The following NCOA3 variants were observed in gnomAD, a reference collection of about 807,000 sequenced individuals.
NCOA3 encodes the protein nuclear receptor coactivator 3, also known as CBP-interacting protein.
NCOA3 carries 51 observed loss-of-function variants against 158.8 expected under a neutral mutation model. The ratio of observed to expected loss-of-function variants is 0.32; its 90% CI spans 0.26 to 0.41. NCOA3 has a LOEUF of 0.41. Among genes scored for constraint, NCOA3 ranks in the 10% least tolerant of loss-of-function variants. NCOA3 has a pLI of 1.00. For synonymous variants in NCOA3, 537 were observed against 592.4 expected, an observed-to-expected ratio of 0.91 and a Z score of 1.36; for missense variants, 1,510 against 1,746.6, an observed-to-expected ratio of 0.86 and a Z score of 2.41.
chr20:47,548,409 T>G (rs1056327364), intron 1 of NCOA3, among the ~76,000 whole-genome samples: 5 of 151,878 alleles, frequency 3.3e-5, no homozygotes, highest in Non-Finnish European at 5.9e-5. Context: ...CTGGGCATGG[T>G]GGCAGGCGCC....
chr20:47,650,510 C>T (rs2086765401), intron 19 of NCOA3, among the ~76,000 whole-genome samples: 1 of 151,902 alleles, frequency 6.6e-6, no homozygotes, highest in African/African-American at 2.4e-5. Context: ...CTTGGCCTCC[C>T]AAAGTGCTGG....
chr20:47,549,405 AAATTTAT>A (rs2084893545), intron 1 of NCOA3, among the ~76,000 whole-genome samples: 1 of 151,670 alleles, frequency 6.6e-6, no homozygotes, highest in East Asian at 1.9e-4. Context: ...GGTTAAAAAA[AAATTTAT>A]CTGGGCACAG....
rs547642942 is a variant in NCOA3 at position 47,520,605 on chromosome 20, C to A, written c.-99+18586C>A. ...TCCTGGAAGACTCAACCTCTCAAAC[C>A]AGGGATGTCTTGCCTTGCCTGCCCT... On this transcript the variant is annotated intron_variant, in intron 1 of 22. Coordinates refer to ENST00000371998, the MANE Select transcript of NCOA3 (RefSeq NM_181659.3). Among the ~76,000 whole-genome samples the A allele has an allele frequency of 7.4e-3, 1,121 of 152,276 alleles. 13 individuals are homozygous for A. Among genetic ancestry groups the A allele is most frequent in the African/African-American group, 0.025 (1,058 of 41,536 alleles).
At chr20:47,581,621 C>T (rs763676551) in intron 1 of NCOA3, among the ~76,000 whole-genome samples, 5 of 152,092 alleles carry the variant, frequency 3.3e-5, no homozygotes, top group Admixed American at 2.0e-4. Flanking sequence ...AACTTTAGGG[C>T]GTAATTATGG....
At chr20:47,561,359 G>A (rs1429047082) in intron 1 of NCOA3, among the ~76,000 whole-genome samples, 1 of 148,822 alleles carries the variant, frequency 6.7e-6, no homozygotes, top group Non-Finnish European at 1.5e-5. Flanking sequence ...GCAGTGCAGT[G>A]GCATGTTCAT....
At chr20:47,585,984 G>A (rs2098418514) in intron 2 of NCOA3, among the ~76,000 whole-genome samples, 1 of 149,410 alleles carries the variant, frequency 6.7e-6, no homozygotes, top group South Asian at 2.1e-4. Context: ...GCAATGGCGC[G>A]ATCTTGTTTC....
intron 1 of NCOA3, among the ~76,000 whole-genome samples, chr20:47,580,322 T>C (rs2085431366): frequency 6.6e-6 from 1 of 151,922 alleles, no homozygotes; most frequent in African/African-American, 2.4e-5. Context: ...CCCAGCACTT[T>C]GGGAGGCCGA....
intron 18 of NCOA3, among the ~76,000 whole-genome samples, chr20:47,648,714 C>T (rs1006733653): frequency 2.0e-5 from 3 of 152,136 alleles, no homozygotes; most frequent in Non-Finnish European, 4.4e-5. Context: ...ATCTGCCCAC[C>T]TCAGCCTCTC....
intron 2 of NCOA3, among the ~76,000 whole-genome samples, chr20:47,605,330 C>T (rs1408704426): frequency 1.3e-5 from 2 of 152,058 alleles, no homozygotes; most frequent in African/African-American, 4.8e-5. Flanking sequence ...TGCTTTCAGT[C>T]TAGATCTAGG....
intron 1 of NCOA3, among the ~76,000 whole-genome samples, chr20:47,537,434 C>A (rs1451120787): frequency 1.7e-4 from 2 of 11,480 alleles, no homozygotes; most frequent in African/African-American, 3.8e-4. Flanking sequence ...TGATAATCGG[C>A]GGGGGTGGGG....
chr20:47,582,850 A>G (rs1339346924), intron 1 of NCOA3, among the ~76,000 whole-genome samples: 1 of 152,208 alleles, frequency 6.6e-6, no homozygotes, highest in Non-Finnish European at 1.5e-5. Context: ...GCTGGAGTGC[A>G]GTGGCATAGT....
In NCOA3 at chr20:47,505,189, G is replaced by A. The variant is rs539556274; in HGVS notation, c.-99+3170G>A. Among the ~76,000 whole-genome samples the A allele has an allele frequency of 4.0e-3, 600 of 149,888 alleles. 2 individuals are homozygous for A. The highest frequency in any genetic ancestry group is 6.8e-3 in the Admixed American group (102 of 14,898). ...CAATTCTCCTGTGTCAGCCTCCCAA[G>A]TAGCTGGGATTACAGGTGCGCACCA... On this transcript the variant is annotated intron_variant, in intron 1 of 22. Coordinates refer to ENST00000371998, the MANE Select transcript of NCOA3 (RefSeq NM_181659.3).
chr20:47,503,344 T>A (rs1328807073), intron 1 of NCOA3, among the ~76,000 whole-genome samples: 1 of 152,220 alleles, frequency 6.6e-6, no homozygotes, highest in Non-Finnish European at 1.5e-5. Context: ...AATTGTTTGT[T>A]CTTGAAAATA....
chr20:47,510,618 G>A (rs2084105140), intron 1 of NCOA3, among the ~76,000 whole-genome samples: 1 of 151,820 alleles, frequency 6.6e-6, no homozygotes, highest in South Asian at 2.1e-4. Context: ...TTTTTGGAGA[G>A]GGTCTTGCTC....
In NCOA3 at chr20:47,644,170, C is replaced by T. The variant is rs1427633528; in HGVS notation, c.3252+1786C>T. 6.0e-5 allele frequency among the ~76,000 whole-genome samples: 9 copies of T among 150,144 alleles called. No individual in the cohort carries two copies. The Middle Eastern group carries it at 0.014, about 232-fold the overall frequency. ...TTTTTTTTTTTTTGAGACGGAGTCT[C>T]GCTCTGTCGCCCAGGCTGGAGTGCA... On this transcript the variant is annotated intron_variant, in intron 17 of 22. Coordinates refer to ENST00000371998, the MANE Select transcript of NCOA3 (RefSeq NM_181659.3).
Position 47,640,010 on chromosome 20 carries a change from C to T in NCOA3, c.3039C>T (p.Gly1013=). Residue 1013 remains glycine (G), a synonymous_variant, in exon 16 of 23, where the codon GGC becomes GGT. Coordinates refer to ENST00000371998, the MANE Select transcript of NCOA3 (RefSeq NM_181659.3). ...ACCAACTGGGTTCCTGGCCCGATGG[C>T]ATGTTGTCCATGGAACAAGTTTCTC... ...ASNQLGSWPD[G]MLSMEQVSHG... 1 of 1,614,214 alleles carries T rather than the reference C, an allele frequency of 6.2e-7. No homozygotes were observed. Among genetic ancestry groups the T allele is most frequent in the South Asian group, 1.1e-5 (1 of 91,080 alleles).
At chr20:47,517,351 A>G (rs1480982084) in intron 1 of NCOA3, among the ~76,000 whole-genome samples, 1 of 152,198 alleles carries the variant, frequency 6.6e-6, no homozygotes, top group African/African-American at 2.4e-5. Context: ...AGTATTCGCT[A>G]ATAATCCCAG....
rs758792756 is a variant in NCOA3, at chr20:47,634,162, G to A, written c.1079G>A (p.Arg360Gln). Residue 360 changes from arginine (R) to glutamine (Q), a missense_variant, in exon 10 of 23, where the codon CGA becomes CAA. Physicochemically the swap from Arg to Gln is conservative, Grantham distance 43. Transcript: ENST00000371998. ...KLFRNPVTND[R>Q]HGFVSTHFLQ... ...TTCCGAAATCCTGTAACAAATGATC[G>A]ACATGGCTTTGTCTCAACCCACTTC... 1.9e-6 allele frequency: 3 copies of A among 1,613,930 alleles called. No homozygotes were observed. The highest frequency in any genetic ancestry group is 2.2e-5 in the East Asian group (1 of 44,884).
chr20:47,605,340 GATTCTA>G (rs1395699868), intron 2 of NCOA3, among the ~76,000 whole-genome samples: 2 of 151,888 alleles, frequency 1.3e-5, no homozygotes, highest in South Asian at 2.1e-4. Context: ...CTAGATCTAG[GATTCTA>G]ATTCTGAGAT....
Sources: allele counts gnomAD v4.1 joint callset (sites outside exome capture counted in the v4.1 genomes callset), GRCh38; gene constraint gnomAD v4.1.1; transcripts MANE v1.5; gene names NCBI Gene and HGNC (gene_info 2026-07-23, HGNC 2026-07-21).